The following RBFOX1 variants were observed in gnomAD, a reference collection of about 807,000 sequenced individuals.
RBFOX1 encodes RNA binding fox-1 homolog 1.
RBFOX1 carries 8 observed loss-of-function variants against 57.7 expected under a neutral mutation model. That is an observed-to-expected ratio of 0.14 (90% CI 0.08 to 0.25). RBFOX1 has a LOEUF of 0.25. RBFOX1 is among the 10% of genes least tolerant of loss of function. The probability of loss-of-function intolerance (pLI) is 1.00; values close to 1 mark genes in which losing one functional copy is unlikely to be tolerated. For missense variants in RBFOX1, 611 were observed against 548.5 expected (o/e 1.11, Z -1.14); for synonymous variants, 326 against 222.4 (o/e 1.47, Z -4.15).
chr16:7,323,491 G>A (rs532405005), intron 4 of RBFOX1, among the ~76,000 whole-genome samples: 11 of 152,034 alleles, frequency 7.2e-5, no homozygotes, highest in South Asian at 2.1e-4. Flanking sequence ...AATCCATATC[G>A]CATTCAAAAA....
intron 1 of RBFOX1, among the ~76,000 whole-genome samples, chr16:6,185,591 G>A (rs1053664138): frequency 2.6e-5 from 4 of 152,166 alleles, no homozygotes; most frequent in East Asian, 1.9e-4. Flanking sequence ...GGTGATCAGC[G>A]TGGGTTTAAG....
chr16:5,959,938 C>T (rs561663695), intron 4 of RBFOX1, among the ~76,000 whole-genome samples: 12 of 152,324 alleles, frequency 7.9e-5, no homozygotes, highest in African/African-American at 2.4e-4. Context: ...CGGTGGCTCA[C>T]GCCTGTAATC....
chr16:6,338,156 C>G (rs1326514130), intron 2 of RBFOX1, among the ~76,000 whole-genome samples: 1 of 152,124 alleles, frequency 6.6e-6, no homozygotes, highest in East Asian at 1.9e-4. Flanking sequence ...TAAAAAGATA[C>G]CTTCATTTTC....
chr16:6,691,392 C>G lies in RBFOX1; in HGVS notation c.-16+36742C>G, dbSNP rs148011031. Among the ~76,000 whole-genome samples the G allele has an allele frequency of 2.6e-5, 4 of 152,166 alleles. No homozygotes were observed. The East Asian group carries it at 7.7e-4, about 29-fold the overall frequency. On this transcript the variant is annotated intron_variant, in intron 3 of 15. Transcript: ENST00000550418. ...TCTTCTCTGTCCATTTCCACCTTCC[C>G]AATCCAAACTTGTCACTTTCAACAC...
chr16:5,685,505 G>T (rs370236563), intron 3 of RBFOX1, among the ~76,000 whole-genome samples: 1 of 152,160 alleles, frequency 6.6e-6, no homozygotes, highest in Non-Finnish European at 1.5e-5. Flanking sequence ...TGGTCAAGTG[G>T]CTCATTCATT....
chr16:6,651,570 G>C (rs1337297127), intron 2 of RBFOX1, among the ~76,000 whole-genome samples: 1 of 152,198 alleles, frequency 6.6e-6, no homozygotes, highest in Non-Finnish European at 1.5e-5. Context: ...GTGCCCATGA[G>C]GATGTGGACA....
At chr16:6,175,538 G>T (rs560384239) in intron 1 of RBFOX1, among the ~76,000 whole-genome samples, 1 of 152,278 alleles carries the variant, frequency 6.6e-6, no homozygotes, top group South Asian at 2.1e-4. Flanking sequence ...GCTTAGAGGT[G>T]GTTGTAATGG....
chr16:6,671,218 A>G (rs1377555672), intron 3 of RBFOX1, among the ~76,000 whole-genome samples: 1 of 152,238 alleles, frequency 6.6e-6, no homozygotes, highest in Non-Finnish European at 1.5e-5. Context: ...AATATTGGCA[A>G]CAACCTAAAT....
chr16:6,268,581 G>A (rs74005062), intron 1 of RBFOX1, among the ~76,000 whole-genome samples: 6,609 of 152,220 alleles, frequency 0.043, 419 homozygotes, highest in African/African-American at 0.14. Flanking sequence ...AAACCCTACT[G>A]TGAACCTGAC....
chr16:5,276,194 T>G (rs1345706578), intron 1 of RBFOX1, among the ~76,000 whole-genome samples: 1 of 152,120 alleles, frequency 6.6e-6, no homozygotes, highest in Non-Finnish European at 1.5e-5. Flanking sequence ...GGGACTTAAT[T>G]AAACTAAAAG....
At chr16:6,674,385 G>A (rs917907769) in intron 3 of RBFOX1, among the ~76,000 whole-genome samples, 3 of 151,558 alleles carry the variant, frequency 2.0e-5, no homozygotes, top group Non-Finnish European at 4.4e-5. Flanking sequence ...GCAATGGTGC[G>A]ATCTCAGCTC....
In RBFOX1 at chr16:6,809,946, C is replaced by G. The variant is rs190801518; in HGVS notation, c.-16+155296C>G. On this transcript the variant is annotated intron_variant, in intron 3 of 15. Transcript: ENST00000550418. ...CACCAAGATGAGCCTACCCGCTTGT[C>G]CTGAGTTGAGATTGATATGATCAGA... Among the ~76,000 whole-genome samples, 54 of 151,942 alleles carry G rather than the reference C, an allele frequency of 3.6e-4. 1 individual carries two copies. The highest frequency in any genetic ancestry group is 8.8e-5 in the Non-Finnish European group (6 of 67,998).
chr16:6,577,267 C>G (rs1233533214), intron 2 of RBFOX1: 1 of 152,150 alleles, frequency 6.6e-6, no homozygotes, highest in East Asian at 1.9e-4. Context: ...CATTGCCTAA[C>G]ATCATACTAA....
intron 5 of RBFOX1, among the ~76,000 whole-genome samples, chr16:7,534,007 A>G (rs1039034511): frequency 2.6e-5 from 4 of 152,108 alleles, no homozygotes; most frequent in Non-Finnish European, 4.4e-5. Flanking sequence ...AAATTGTTCC[A>G]AATAGTGGCA....
At chr16:7,268,068 A>G (rs1019437711) in intron 4 of RBFOX1, among the ~76,000 whole-genome samples, 2 of 152,218 alleles carry the variant, frequency 1.3e-5, no homozygotes, top group African/African-American at 2.4e-5. Flanking sequence ...TATTGCATCT[A>G]GGCTACAAAG....
intron 2 of RBFOX1, among the ~76,000 whole-genome samples, chr16:6,451,584 T>G (rs968846962): frequency 6.6e-6 from 1 of 152,168 alleles, no homozygotes; most frequent in Non-Finnish European, 1.5e-5. Context: ...CACCTTCACC[T>G]GGAAATAATT....
chr16:5,642,715 A>C (rs1470967858), intron 3 of RBFOX1, among the ~76,000 whole-genome samples: 1 of 151,950 alleles, frequency 6.6e-6, no homozygotes, highest in African/African-American at 2.4e-5. Flanking sequence ...AGGGAGGGGG[A>C]GGACTCATGT....
intron 2 of RBFOX1, among the ~76,000 whole-genome samples, chr16:5,550,204 G>A (rs1597485628): frequency 6.6e-6 from 1 of 152,200 alleles, no homozygotes; most frequent in South Asian, 2.1e-4. Context: ...GCTTTCTAAA[G>A]GAGGTTTCTG....
chr16:7,221,476 C>G (rs994133507), intron 4 of RBFOX1, among the ~76,000 whole-genome samples: 1 of 152,042 alleles, frequency 6.6e-6, no homozygotes, highest in Non-Finnish European at 1.5e-5. Context: ...AGGCGATTCT[C>G]CTGCCTCAGC....
Sources: gnomAD v4.1 joint callset for allele counts (sites outside exome capture counted in the v4.1 genomes callset) on GRCh38, gnomAD v4.1.1 for gene constraint, MANE v1.5 for transcripts, NCBI Gene and HGNC (gene_info 2026-07-23, HGNC 2026-07-21) for gene names.